CCDC74B: variants seen among roughly 807,000 people sequenced by gnomAD.
CCDC74B encodes the protein coiled-coil domain containing 74B, also known as coiled-coil domain-containing protein 74B.
CCDC74B carries 34 observed loss-of-function variants against 38.0 expected under a neutral mutation model. That is an observed-to-expected ratio of 0.89 (90% CI 0.68 to 1.19). The LOEUF (loss-of-function observed/expected upper bound fraction) is 1.19. Ranked by LOEUF, CCDC74B falls within the 50% of genes most tolerant of loss-of-function variation. The probability of loss-of-function intolerance (pLI) is 0.00; values close to 1 mark genes in which losing one functional copy is unlikely to be tolerated. For missense variants in CCDC74B, 358 were observed against 406.0 expected (o/e 0.88, Z 1.02); for synonymous variants, 132 against 170.4 (o/e 0.77, Z 1.76).
Position 130,143,246 on chromosome 2 carries a change from G to T in CCDC74B, c.295+23C>A, listed in dbSNP as rs777200874. 2.4e-4 allele frequency: 385 copies of T among 1,610,480 alleles called. 1 individual carries two copies. In the East Asian group the frequency reaches 5.3e-3, roughly 22 times the overall value. ...CTGGGTGGCAAGAGCATCCCATCAGGAACTGAAGGGCCCAGTTCTCACCTT... is the reference window on the plus strand; with the variant it reads ...CTGGGTGGCAAGAGCATCCCATCAGTAACTGAAGGGCCCAGTTCTCACCTT... On this transcript the variant is annotated intron_variant, in intron 2 of 7. Coordinates refer to ENST00000409943, the MANE Select transcript of CCDC74B (RefSeq NM_001258307.2).
Position 130,140,343 on chromosome 2 carries a change from C to T in CCDC74B, c.514G>A (p.Gly172Arg). 1.2e-6 allele frequency: 2 copies of T among 1,604,140 alleles called. No homozygotes were observed. The highest frequency in any genetic ancestry group is 8.5e-7 in the Non-Finnish European group (1 of 1,175,526). ...RKEKAEASNA[G>R]AACMGNSQHQ... ...TGGCTGTTCCCCATACAGGCAGCTC[C>T]TGCGTTAGAGGCCTCTGCTTTCTCC... The change falls in exon 5 of 8, where the codon GGA becomes AGA. Residue 172 changes from glycine to arginine, a missense_variant. By Grantham distance (125) the Gly-to-Arg change is moderately radical. Around this residue, in one of 3 missense-constraint regions of CCDC74B, gnomAD observed 213 missense variants for 212.3 expected, o/e 1.00. Coordinates refer to ENST00000409943, the MANE Select transcript of CCDC74B (RefSeq NM_001258307.2).
chr2:130,141,853 G>T, intron 3 of CCDC74B: 2 of 665,322 alleles, frequency 3.0e-6, no homozygotes, highest in South Asian at 2.0e-5. Context: ...CTCCCTAGGC[G>T]GCCACCCGGG....
chr2:130,139,817 G>C (rs2599953), intron 7 of CCDC74B, 74 bp downstream of exon 7: 225 of 1,609,840 alleles, frequency 1.4e-4, no homozygotes, highest in Middle Eastern at 3.5e-4. Flanking sequence ...GCGCTGCCAC[G>C]CTCCCTTCCC....
At chr2:130,140,994 C>T (rs573610646) in intron 4 of CCDC74B, 164 bp downstream of exon 4, 367 of 1,249,492 alleles carry the variant, frequency 2.9e-4, no homozygotes, top group East Asian at 7.4e-4. Flanking sequence ...AGAGCGTGGC[C>T]GTCATCTGCT....
chr2:130,144,390 C>T (rs113859686), intron 1 of CCDC74B: 3 of 1,120,692 alleles, frequency 2.7e-6, no homozygotes, highest in Non-Finnish European at 3.9e-6. Context: ...CCGCCCGTCT[C>T]GGTCTCCCAA....
chr2:130,144,766 A>T lies in CCDC74B; in HGVS notation c.231T>A (p.His77Gln), dbSNP rs372599757. 4 of 1,612,902 alleles carry T rather than the reference A, an allele frequency of 2.5e-6. No individual in the cohort carries two copies. The highest frequency in any genetic ancestry group is 1.7e-4 in the Middle Eastern group (1 of 6,050). Residue 77 changes from histidine (H) to glutamine (Q), a missense_variant, in exon 1 of 8, where the codon CAT (histidine) becomes CAA (glutamine). By Grantham distance (24) the His-to-Gln change is conservative. Coordinates refer to ENST00000409943, the MANE Select transcript of CCDC74B (RefSeq NM_001258307.2). ...MLAKLHEEIE[H>Q]LKRENKDLRY... The stretch of plus-strand genomic sequence containing the variant: ...GCTCACCCTTGTTTTCCCGCTTCAG[A>T]TGCTCGATCTCCTCATGGAGCTTGG...
At position 130,140,009 on chromosome 2, in the gene CCDC74B, C is replaced by T. The variant is rs769963621; in HGVS notation, c.752+14G>A. ...GGCCCCCAGGGATGGGGCAGGGGTGCACCAGGCACTCACCTGGGAAAGCTA... is the reference window on the plus strand; with the variant it reads ...GGCCCCCAGGGATGGGGCAGGGGTGTACCAGGCACTCACCTGGGAAAGCTA... On this transcript the variant is annotated intron_variant, in intron 6 of 7. Transcript: ENST00000409943. 226 of 1,602,482 alleles carry T rather than the reference C, an allele frequency of 1.4e-4. 1 individual carries two copies. Among genetic ancestry groups the T allele is most frequent in the Non-Finnish European group, 1.9e-4 (223 of 1,174,738 alleles).
intron 1 of CCDC74B, among the ~76,000 whole-genome samples, chr2:130,144,181 C>G (rs933842971): frequency 2.6e-5 from 4 of 152,152 alleles, no homozygotes; most frequent in Non-Finnish European, 4.4e-5. Context: ...GCTCTGTCAC[C>G]GAGGCTGGAG....
intron 2 of CCDC74B, chr2:130,142,537 C>A: frequency 1.9e-6 from 3 of 1,552,742 alleles, no homozygotes; most frequent in Non-Finnish European, 1.7e-6. Context: ...GTTGCCACAG[C>A]GGCTAGGGAA....
At chr2:130,143,686 T>C (rs376727634) in intron 1 of CCDC74B, among the ~76,000 whole-genome samples, 4,224 of 151,994 alleles carry the variant, frequency 0.028, 212 homozygotes, top group African/African-American at 0.094. Context: ...CTCAAGAAGA[T>C]ATGAGGAACG....
rs546431625 is a variant in CCDC74B at position 130,142,828 on chromosome 2, G to A, written c.295+441C>T. ...CCCCATGGTTGCTGCCCAGATGGCAGGAAGGGATCCCTGGATGGAGTGTGT... is the reference window on the plus strand; with the variant it reads ...CCCCATGGTTGCTGCCCAGATGGCAAGAAGGGATCCCTGGATGGAGTGTGT... On this transcript the variant is annotated intron_variant, in intron 2 of 7. Transcript: ENST00000409943. The A allele has an allele frequency of 1.7e-5, 26 of 1,550,160 alleles. No individual in the cohort carries two copies. The East Asian group carries it at 6.1e-4, about 36-fold the overall frequency.
At position 130,144,820 on chromosome 2, in the gene CCDC74B, G is replaced by T. The variant is rs369124973; in HGVS notation, c.177C>A (p.Phe59Leu). The change falls in exon 1 of 8, where the codon TTC (phenylalanine) becomes TTA (leucine). Residue 59 changes from phenylalanine to leucine, a missense_variant. This residue lies in a region of CCDC74B where 128 missense variants were observed against 146.7 expected (regional missense o/e 0.87). Transcript: ENST00000409943. ...GCATCTCCGAGTGCTGCTGCTGCAG[G>T]AACTGTAGGCTCTTCTCCAGGTCCA... The part of the protein sequence containing the change: ...RNLDLEKSLQ[F>L]LQQQHSEMLA... The T allele has an allele frequency of 1.2e-6, 2 of 1,613,410 alleles. No individual in the cohort carries two copies. Among genetic ancestry groups the T allele is most frequent in the Non-Finnish European group, 1.7e-6 (2 of 1,179,834 alleles).
intron 3 of CCDC74B, 31 bp from the exon 4 acceptor site, chr2:130,141,327 A>C (rs1412859558): frequency 6.2e-7 from 1 of 1,605,724 alleles, no homozygotes; most frequent in South Asian, 1.1e-5. Flanking sequence ...CAGACCCTAC[A>C]AGGCCGGTCA....
rs748970459 is a variant in CCDC74B at position 130,144,878 on chromosome 2, T to G, written c.119A>C (p.Gln40Pro). Residue 40 changes from glutamine (Q) to proline (P), a missense_variant, in exon 1 of 8, where the codon CAG becomes CCG. By Grantham distance (76) the Gln-to-Pro change is moderately conservative. Transcript: ENST00000409943. ...TTTCTGCGGGTCGCTCTGCCTGAGCTGCGGGCTCTGCGGCCTCAAGGACTG... is the reference window on the plus strand; with the variant it reads ...TTTCTGCGGGTCGCTCTGCCTGAGCGGCGGGCTCTGCGGCCTCAAGGACTG... ...GVQSLRPQSP[Q>P]LRQSDPQKRN... 1 of 1,612,936 alleles carries G rather than the reference T, an allele frequency of 6.2e-7. No homozygotes were observed.
intron 1 of CCDC74B, chr2:130,144,484 G>A (rs1439336750): frequency 6.6e-7 from 1 of 1,504,056 alleles, no homozygotes; most frequent in Non-Finnish European, 9.1e-7. Flanking sequence ...CCTGCTTGGA[G>A]AGGAGAGGAC....
At chr2:130,143,066 T>G in intron 2 of CCDC74B, 5 of 1,488,744 alleles carry the variant, frequency 3.4e-6, no homozygotes, top group Non-Finnish European at 4.5e-6. Flanking sequence ...CTGGGCTTCC[T>G]GAGAGCAGCA....
Position 130,144,526 on chromosome 2 carries a change from C to T in CCDC74B, c.250+221G>A, listed in dbSNP as rs962479089. 23 of 1,549,442 alleles carry T rather than the reference C, an allele frequency of 1.5e-5. 1 individual carries two copies. Among genetic ancestry groups the T allele is most frequent in the Admixed American group, 3.9e-5 (2 of 50,990 alleles). ...AGTCAGCATCTGAAATGCTGCTGCCCTAGGAGACAGGCAGACAGGTTCGGC... is the reference window on the plus strand; with the variant it reads ...AGTCAGCATCTGAAATGCTGCTGCCTTAGGAGACAGGCAGACAGGTTCGGC... On this transcript the variant is annotated intron_variant, in intron 1 of 7. Transcript: ENST00000409943.
At position 130,144,927 on chromosome 2, in the gene CCDC74B, G is replaced by A; in HGVS notation, c.70C>T (p.Arg24Cys). The A allele has an allele frequency of 6.5e-7, 1 of 1,541,134 alleles. No homozygotes were observed. The highest frequency in any genetic ancestry group is 8.7e-7 in the Non-Finnish European group (1 of 1,149,906). Residue 24 changes from arginine (R) to cysteine (C), a missense_variant, in exon 1 of 8, where the codon CGC becomes TGC. Transcript: ENST00000409943. ...SSPTPGSRRR[R>C]QRPSVGVQSL... Reference sequence around the variant, plus strand: ...TGGACGCCCACAGAGGGGCGCTGGCGCCGGCGCCGAGAGCCCGGGGTCGGC... The same window carrying A: ...TGGACGCCCACAGAGGGGCGCTGGCACCGGCGCCGAGAGCCCGGGGTCGGC...
At chr2:130,140,711 T>C in intron 4 of CCDC74B, 1 of 430,384 alleles carries the variant, frequency 2.3e-6, no homozygotes. Context: ...CTGGTTGCGC[T>C]GCTGAAAGTG....
Sources: allele counts gnomAD v4.1 joint callset (sites outside exome capture counted in the v4.1 genomes callset), GRCh38; gene constraint gnomAD v4.1.1; regional missense constraint gnomAD v4.1.1; transcripts MANE v1.5; gene names NCBI Gene and HGNC (gene_info 2026-07-23, HGNC 2026-07-21).